DNAH12: variants seen among roughly 807,000 people sequenced by gnomAD.
The protein encoded by DNAH12 is axonemal beta dynein heavy chain 12.
Under a neutral mutation model 371.5 loss-of-function variants are expected in DNAH12, and 285 were observed. The ratio of observed to expected loss-of-function variants is 0.77; its 90% CI spans 0.70 to 0.85. DNAH12 has a LOEUF of 0.85. Ranked by LOEUF, DNAH12 falls within the 40% of genes least tolerant of loss-of-function variation. The pLI is 0.00. For synonymous variants in DNAH12, 1,200 were observed against 1,213.0 expected (o/e 0.99, Z 0.22); for missense variants, 3,611 against 3,689.4 (o/e 0.98, Z 0.55).
chr3:57,340,635 G>T (rs782079174), intron 60 of DNAH12, among the ~76,000 whole-genome samples: 6 of 152,162 alleles, frequency 3.9e-5, no homozygotes, highest in Non-Finnish European at 8.8e-5. Flanking sequence ...TCAATAATGA[G>T]TAATGAGATT....
intron 32 of DNAH12, among the ~76,000 whole-genome samples, chr3:57,433,159 T>C (rs2065005880): frequency 7.3e-6 from 1 of 136,568 alleles, no homozygotes; most frequent in Admixed American, 7.6e-5. Context: ...TTTAATACAA[T>C]ATACTTTCAT....
At chr3:57,540,028 A>C (rs1009723347) in intron 2 of DNAH12, among the ~76,000 whole-genome samples, 1 of 151,888 alleles carries the variant, frequency 6.6e-6, no homozygotes, top group African/African-American at 2.4e-5. Flanking sequence ...AACAACTTAA[A>C]GACACAATCC....
At chr3:57,476,335 A>G (rs4634083) in intron 13 of DNAH12, among the ~76,000 whole-genome samples, 101,622 of 151,974 alleles carry the variant, frequency 0.67, 34,227 homozygotes, top group South Asian at 0.75. Context: ...GGAGGCTGAG[A>G]CGGGCAGATC....
At chr3:57,345,975 G>A (rs1414920658) in intron 60 of DNAH12, among the ~76,000 whole-genome samples, 1 of 151,940 alleles carries the variant, frequency 6.6e-6, no homozygotes, top group Non-Finnish European at 1.5e-5. Flanking sequence ...TGTATAAGTG[G>A]ACTGCTGCAG....
At chr3:57,546,430 C>T (rs1228363550), upstream of DNAH12, among the ~76,000 whole-genome samples, 1 of 152,164 alleles carries the variant, frequency 6.6e-6, no homozygotes, top group Non-Finnish European at 1.5e-5. Context: ...CATCCTCAAA[C>T]TCCTGGGCTC....
At chr3:57,388,426 T>C (rs2153346046) in intron 45 of DNAH12, among the ~76,000 whole-genome samples, 1 of 152,292 alleles carries the variant, frequency 6.6e-6, no homozygotes, top group East Asian at 1.9e-4. Flanking sequence ...ATTTTTTTCC[T>C]TTGTGGCAGA....
At chr3:57,389,867 C>T (rs1356321217) in intron 45 of DNAH12, among the ~76,000 whole-genome samples, 1 of 109,534 alleles carries the variant, frequency 9.1e-6, no homozygotes, top group Non-Finnish European at 2.1e-5. Context: ...AATGGAGTTT[C>T]ACTCTGTTGC....
intron 13 of DNAH12, among the ~76,000 whole-genome samples, chr3:57,479,793 A>C (rs915194378): frequency 6.6e-6 from 1 of 152,214 alleles, no homozygotes; most frequent in Non-Finnish European, 1.5e-5. Flanking sequence ...AACTACATGG[A>C]AACTGAAAAA....
chr3:57,394,767 A>C (rs1302497105), intron 43 of DNAH12, among the ~76,000 whole-genome samples: 5 of 152,200 alleles, frequency 3.3e-5, no homozygotes, highest in African/African-American at 1.2e-4. Flanking sequence ...AGACAGAAAG[A>C]GTAATTACTA....
rs545635344 is a variant in DNAH12 at position 57,405,664 on chromosome 3, G to T, written c.6565C>A (p.Gln2189Lys). The change falls in exon 41 of 74, where the codon CAA becomes AAA. Residue 2189 changes from glutamine to lysine, a missense_variant. Gln to Lys is a moderately conservative substitution (Grantham distance 53). Coordinates refer to ENST00000495027, the MANE Select transcript of DNAH12 (RefSeq NM_001366028.2). ...ATCGCCATACTCACTGGTGCATTTT[G>T]TTTCCTCAAATGTGAAAAGATACTG... ...FHSIFSHLRK[Q>K]NAPVTEEDLR... The T allele has an allele frequency of 7.2e-5, 112 of 1,550,446 alleles. No individual in the cohort carries two copies. The East Asian group carries it at 2.4e-3, about 33-fold the overall frequency.
chr3:57,348,513 T>C (rs1489165761), intron 60 of DNAH12, among the ~76,000 whole-genome samples: 1 of 152,172 alleles, frequency 6.6e-6, no homozygotes, highest in Non-Finnish European at 1.5e-5. Flanking sequence ...GTGATAATGA[T>C]ATGTCAATGC....
At chr3:57,401,345 T>C (rs1415937372) in intron 43 of DNAH12, among the ~76,000 whole-genome samples, 3 of 150,538 alleles carry the variant, frequency 2.0e-5, no homozygotes, top group Non-Finnish European at 3.0e-5. Context: ...AGCTCAGGAA[T>C]TCGAGACCAG....
At position 57,509,150 on chromosome 3, in the gene DNAH12, C is replaced by A. The variant is rs1432686634; in HGVS notation, c.532G>T (p.Glu178Ter). Residue 178 changes from glutamate to a stop codon, truncating the protein, a stop_gained, in exon 6 of 74, where the codon GAA (glutamate) becomes TAA (stop). Transcript: ENST00000495027. LOFTEE classifies it high-confidence loss of function. ...AAATAATTTACTCACACAGGAGATT[C>A]AGGTAAAGGACCTCCTTCATCTTCA... is the stretch of plus-strand genomic sequence containing the variant. The part of the protein sequence containing the change: ...SLEDEGGPLP[E>*]SPVGLDYSNP... 4.3e-6 allele frequency: 7 copies of A among 1,612,334 alleles called. No homozygotes were observed. The highest frequency in any genetic ancestry group is 5.9e-6 in the Non-Finnish European group (7 of 1,179,526).
At chr3:57,348,152 C>T (rs1205903919) in intron 60 of DNAH12, among the ~76,000 whole-genome samples, 1 of 152,144 alleles carries the variant, frequency 6.6e-6, no homozygotes, top group African/African-American at 2.4e-5. Flanking sequence ...AACTGTGGTA[C>T]ATCCAAACAA....
intron 47 of DNAH12, among the ~76,000 whole-genome samples, chr3:57,385,735 T>C (rs970902407): frequency 6.6e-6 from 1 of 152,154 alleles, no homozygotes; most frequent in African/African-American, 2.4e-5. Context: ...TAAAAATATT[T>C]GCCAGGCGTG....
chr3:57,390,403 T>C (rs1254089454), intron 45 of DNAH12, among the ~76,000 whole-genome samples: 3 of 16,128 alleles, frequency 1.9e-4, no homozygotes, highest in Non-Finnish European at 5.3e-4. Flanking sequence ...ACAGAGATCC[T>C]GTCTCAAAAA....
intron 13 of DNAH12, among the ~76,000 whole-genome samples, chr3:57,475,626 A>G (rs2066500036): frequency 1.3e-5 from 2 of 152,204 alleles, no homozygotes; most frequent in South Asian, 4.1e-4. Context: ...AAAAAAATAA[A>G]TGAGCAAAAT....
intron 30 of DNAH12, among the ~76,000 whole-genome samples, chr3:57,434,431 C>T (rs1020182543): frequency 6.6e-6 from 1 of 152,070 alleles, no homozygotes; most frequent in South Asian, 2.1e-4. Context: ...GTGGTCATGA[C>T]GAGCAGGGCT....
intron 4 of DNAH12, 74 bp downstream of exon 4, chr3:57,523,508 TG>T: frequency 8.2e-7 from 1 of 1,218,814 alleles, no homozygotes; most frequent in East Asian, 2.5e-5. Flanking sequence ...ACTTAGCAGG[TG>T]GTCTTAGATG....
Sources: gnomAD v4.1 joint callset for allele counts (sites outside exome capture counted in the v4.1 genomes callset) on GRCh38, gnomAD v4.1.1 for gene constraint, MANE v1.5 for transcripts, NCBI Gene and HGNC (gene_info 2026-07-23, HGNC 2026-07-21) for gene names.